Variants in CCR3 observed in about 807,000 individuals in gnomAD.
CCR3 encodes the protein C-C motif chemokine receptor 3, also known as C-C chemokine receptor type 3.
For synonymous variants in CCR3, 203 were observed against 179.2 expected (o/e 1.13, Z -1.06); for missense variants, 419 against 437.5 (o/e 0.96, Z 0.38).
chr3:46,230,957 C>G (rs1309474496), intron 2 of CCR3, among the ~76,000 whole-genome samples: 4 of 152,182 alleles, frequency 2.6e-5, no homozygotes, highest in Non-Finnish European at 5.9e-5. Flanking sequence ...AGGTGTCTCG[C>G]TCTGTCGTCC....
chr3:46,258,999 G>A (rs1394932661), intron 1 of CCR3, among the ~76,000 whole-genome samples: 1 of 152,112 alleles, frequency 6.6e-6, no homozygotes, highest in African/African-American at 2.4e-5. Context: ...AAAAAATATG[G>A]CTGTTTCACT....
At chr3:46,260,295 A>C (rs11923627) in intron 1 of CCR3, among the ~76,000 whole-genome samples, 1 of 152,026 alleles carries the variant, frequency 6.6e-6, no homozygotes, top group Admixed American at 6.5e-5. Flanking sequence ...ACATTTCAAA[A>C]CCAATCATAC....
intron 1 of CCR3, among the ~76,000 whole-genome samples, chr3:46,260,925 C>T (rs1700514717): frequency 6.6e-6 from 1 of 152,160 alleles, no homozygotes; most frequent in Admixed American, 6.5e-5. Context: ...ATATTGAAAG[C>T]CCATTTTAAA....
At chr3:46,240,088 G>A (rs1164879175), upstream of CCR3, among the ~76,000 whole-genome samples, 2 of 152,052 alleles carry the variant, frequency 1.3e-5, no homozygotes, top group Non-Finnish European at 2.9e-5. Context: ...GTCATTGACC[G>A]CCTGTTGGCA....
intron 1 of CCR3, among the ~76,000 whole-genome samples, chr3:46,244,070 G>A (rs917745954): frequency 6.6e-6 from 1 of 152,150 alleles, no homozygotes; most frequent in East Asian, 1.9e-4. Context: ...TTGACAAAAT[G>A]CATCAAGAGA....
intron 2 of CCR3, among the ~76,000 whole-genome samples, chr3:46,216,999 A>G (rs1341106652): frequency 2.0e-5 from 3 of 152,252 alleles, no homozygotes; most frequent in Non-Finnish European, 2.9e-5. Flanking sequence ...AGTACCTCAC[A>G]TCTCAATACT....
intron 1 of CCR3, among the ~76,000 whole-genome samples, chr3:46,252,897 G>A (rs186519223): frequency 3.9e-5 from 6 of 151,974 alleles, no homozygotes; most frequent in Admixed American, 3.9e-4. Context: ...AAATAGGTTG[G>A]AGGGTTACAT....
chr3:46,240,777 T>C (rs1482996011), upstream of CCR3, among the ~76,000 whole-genome samples: 1 of 152,162 alleles, frequency 6.6e-6, no homozygotes, highest in Admixed American at 6.5e-5. Flanking sequence ...TAGGCATTGC[T>C]ACATCATTTT....
chr3:46,231,248 C>T (rs952429134), intron 2 of CCR3, among the ~76,000 whole-genome samples: 2 of 152,134 alleles, frequency 1.3e-5, no homozygotes, highest in Admixed American at 1.3e-4. Context: ...TTTAAAAGTG[C>T]CCAGATTAAT....
chr3:46,223,717 C>G (rs1290005878), intron 2 of CCR3, among the ~76,000 whole-genome samples: 1 of 152,166 alleles, frequency 6.6e-6, no homozygotes, highest in African/African-American at 2.4e-5. Flanking sequence ...AATCTGTTTT[C>G]CCTTTCAGCC....
chr3:46,251,535 G>A (rs542084758), intron 1 of CCR3, among the ~76,000 whole-genome samples: 11 of 152,054 alleles, frequency 7.2e-5, no homozygotes, highest in East Asian at 3.9e-4. Flanking sequence ...TCTTTCTCAC[G>A]GAGCAAAGAA....
At chr3:46,235,518 C>T (rs1700015087) in intron 2 of CCR3, among the ~76,000 whole-genome samples, 1 of 152,210 alleles carries the variant, frequency 6.6e-6, no homozygotes, top group Admixed American at 6.5e-5. Flanking sequence ...GCTAATAACT[C>T]ACTGGGATTG....
At chr3:46,248,756 T>A (rs1423317715) in intron 1 of CCR3, among the ~76,000 whole-genome samples, 2 of 152,022 alleles carry the variant, frequency 1.3e-5, no homozygotes, top group East Asian at 3.9e-4. Context: ...GAGGCTGGGA[T>A]GAAGGGTGCA....
chr3:46,216,375 T>C (rs1052262376), intron 2 of CCR3, among the ~76,000 whole-genome samples: 4 of 152,144 alleles, frequency 2.6e-5, no homozygotes, highest in African/African-American at 9.7e-5. Context: ...ATAATTGGTG[T>C]GCCTGAGGAA....
intron 2 of CCR3, among the ~76,000 whole-genome samples, chr3:46,226,960 T>G (rs1699906780): frequency 6.6e-6 from 1 of 151,948 alleles, no homozygotes; most frequent in Non-Finnish European, 1.5e-5. Flanking sequence ...CAACCTCTGC[T>G]GCCCAGGTTC....
upstream of CCR3, among the ~76,000 whole-genome samples, chr3:46,238,822 A>G (rs1346261924): frequency 6.6e-6 from 1 of 152,230 alleles, no homozygotes; most frequent in Non-Finnish European, 1.5e-5. Flanking sequence ...CATTATGCTG[A>G]GAAAAAAGCT....
intron 1 of CCR3, among the ~76,000 whole-genome samples, chr3:46,252,769 C>T (rs1575504811): frequency 6.6e-6 from 1 of 152,082 alleles, no homozygotes; most frequent in Admixed American, 6.6e-5. Context: ...AGCAATATAG[C>T]CTACCATTAA....
chr3:46,264,374 AT>A lies in CCR3; in HGVS notation c.-11-767del, dbSNP rs1559540080. 11 of 1,487,994 alleles carry A rather than the reference AT, an allele frequency of 7.4e-6. No homozygotes were observed. In the East Asian group the frequency reaches 9.9e-5, roughly 13 times the overall value. 92.2% of individuals were successfully genotyped at this position (1,487,994 alleles called of 1,614,324 possible). ...TACATGTGTAACAGACAAAATGTGT[AT>A]TTTTTTCACAGCTGCTGTGGATTGG... On this transcript the variant is annotated intron_variant, in intron 1 of 1. Transcript: ENST00000395940.
At chr3:46,242,049 C>G (rs987788268), upstream of CCR3, among the ~76,000 whole-genome samples, 2 of 151,806 alleles carry the variant, frequency 1.3e-5, no homozygotes, top group Non-Finnish European at 2.9e-5. Context: ...AGGAAAATCC[C>G]TTGAACCCAG....
Sources: gnomAD v4.1 joint callset for allele counts (sites outside exome capture counted in the v4.1 genomes callset) on GRCh38, gnomAD v4.1.1 for gene constraint, MANE v1.5 for transcripts, NCBI Gene and HGNC (gene_info 2026-07-23, HGNC 2026-07-21) for gene names.